Variants in PMF1 observed in about 807,000 individuals in gnomAD.
The protein encoded by PMF1 is polyamine modulated factor 1, also known as polyamine-modulated factor 1.
Under a neutral mutation model 26.7 loss-of-function variants are expected in PMF1, and 21 were observed. The ratio of observed to expected loss-of-function variants is 0.79; its 90% CI spans 0.56 to 1.13. The LOEUF is 1.13. PMF1 is among the 50% of genes most tolerant of loss of function. PMF1 has a pLI of 0.00. For synonymous variants in PMF1, 105 were observed against 101.0 expected, an observed-to-expected ratio of 1.04 and a Z score of -0.24; for missense variants, 266 against 254.9, an observed-to-expected ratio of 1.04 and a Z score of -0.30.
At chr1:156,231,723 C>G (rs1450891840) in intron 1 of PMF1, among the ~76,000 whole-genome samples, 1 of 152,024 alleles carries the variant, frequency 6.6e-6, no homozygotes, top group African/African-American at 2.4e-5. Context: ...GAAAGAAAAT[C>G]AGGCTCCAAC....
chr1:156,235,742 G>A (rs1658975852), intron 3 of PMF1, among the ~76,000 whole-genome samples: 1 of 152,316 alleles, frequency 6.6e-6, no homozygotes, highest in Non-Finnish European at 1.5e-5. Context: ...CACCTGGCCT[G>A]AAAAAGAATT....
At chr1:156,226,198 G>T (rs529971054) in intron 1 of PMF1, among the ~76,000 whole-genome samples, 13 of 152,226 alleles carry the variant, frequency 8.5e-5, no homozygotes, top group Non-Finnish European at 1.5e-4. Flanking sequence ...TGAAGACAGG[G>T]TCTCACTATG....
Position 156,239,690 on chromosome 1 carries a change from C to G in PMF1, c.*89C>G. ...GGCCTGGGCGGGCTACCTCTGAGAA[C>G]GGCTGAAATGGTGCCCAGTCCATCA... On this transcript the variant is annotated 3_prime_UTR_variant, in exon 5 of 5. Transcript: ENST00000368277. The G allele has an allele frequency of 9.5e-7, 1 of 1,056,794 alleles. No homozygotes were observed. Among genetic ancestry groups the G allele is most frequent in the South Asian group, 1.3e-5 (1 of 76,598 alleles). The allele number at this position is 1,056,794 out of a possible 1,614,324, so 65.5% of individuals were successfully genotyped here.
rs750988132 is a variant in PMF1 at position 156,213,172 on chromosome 1, G to A, written c.157G>A (p.Gly53Ser). ...TTTTCTTCAGAAGCTGGTCGCCGCCGGCAGGTAAAGTGGACGCAGCCGCGG... is the reference window on the plus strand; with the variant it reads ...TTTTCTTCAGAAGCTGGTCGCCGCCAGCAGGTAAAGTGGACGCAGCCGCGG... ...DTFLQKLVAA[G>S]SYQRFTDCYK... is the part of the protein sequence containing the mutation. The change falls in exon 1 of 5, where the codon GGC (glycine) becomes AGC (serine). Residue 53 changes from glycine to serine, a missense_variant. Physicochemically the swap from Gly to Ser is moderately conservative, Grantham distance 56. Transcript: ENST00000368277. 3 of 1,612,740 alleles carry A rather than the reference G, an allele frequency of 1.9e-6. No homozygotes were observed. The highest frequency in any genetic ancestry group is 4.5e-5 in the East Asian group (2 of 44,836).
At chr1:156,213,654 C>A (rs1439434686) in intron 1 of PMF1, among the ~76,000 whole-genome samples, 3 of 152,078 alleles carry the variant, frequency 2.0e-5, no homozygotes, top group Admixed American at 6.6e-5. Flanking sequence ...AAGTCGCGGC[C>A]CACCACTATG....
At chr1:156,217,652 G>C (rs1287480636) in intron 1 of PMF1, among the ~76,000 whole-genome samples, 1 of 151,900 alleles carries the variant, frequency 6.6e-6, no homozygotes, top group East Asian at 1.9e-4. Flanking sequence ...CTTGAACCCA[G>C]GAGGCGGGGA....
intron 3 of PMF1, among the ~76,000 whole-genome samples, chr1:156,235,073 C>T (rs1473068439): frequency 2.0e-4 from 31 of 152,064 alleles, no homozygotes; most frequent in Non-Finnish European, 1.5e-5. Context: ...TTTAAAAATG[C>T]TCTGTGACCT....
chr1:156,225,448 C>G, intron 1 of PMF1: 1 of 649,022 alleles, frequency 1.5e-6, no homozygotes, highest in Non-Finnish European at 2.9e-6. Flanking sequence ...TCCCTCACCC[C>G]CCTCCCACCC....
At chr1:156,217,727 CA>C (rs10659605) in intron 1 of PMF1, among the ~76,000 whole-genome samples, 13,366 of 83,258 alleles carry the variant, frequency 0.16, 703 homozygotes, top group African/African-American at 0.26. Context: ...GTCTCCAACT[CA>C]AAAAAAAAAA....
At chr1:156,216,977 G>C (rs1039691786) in intron 1 of PMF1, among the ~76,000 whole-genome samples, 1 of 151,828 alleles carries the variant, frequency 6.6e-6, no homozygotes, top group African/African-American at 2.4e-5. Flanking sequence ...GTAAACTATC[G>C]CAAGAACAAA....
intron 1 of PMF1, among the ~76,000 whole-genome samples, chr1:156,214,878 A>AT (rs1371440310): frequency 1.3e-4 from 20 of 149,068 alleles, no homozygotes; most frequent in East Asian, 2.0e-4. Context: ...TATTATTATT[A>AT]TTATTATTTT....
At position 156,213,037 on chromosome 1, in the gene PMF1, A is replaced by C. The variant is rs775216061; in HGVS notation, c.22A>C (p.Asn8His). The change falls in exon 1 of 5, where the codon AAT becomes CAT. Residue 8 changes from asparagine to histidine, a missense_variant. Asn to His is a moderately conservative substitution (Grantham distance 68, BLOSUM62 1). Coordinates refer to ENST00000368277, the MANE Select transcript of PMF1 (RefSeq NM_007221.4). ...CAACATGGCCGAAGCAAGTAGCGCC[A>C]ATCTAGGCAGCGGCTGTGAGGAAAA... MAEASSA[N>H]LGSGCEEKRH... 3 of 1,614,060 alleles carry C rather than the reference A, an allele frequency of 1.9e-6. No individual in the cohort carries two copies. Among genetic ancestry groups the C allele is most frequent in the African/African-American group, 1.3e-5 (1 of 74,922 alleles).
chr1:156,226,251 T>C (rs527340473), intron 1 of PMF1, among the ~76,000 whole-genome samples: 1 of 152,386 alleles, frequency 6.6e-6, no homozygotes, highest in South Asian at 2.1e-4. Context: ...GTGATCCTCC[T>C]GCGTTGGCCT....
chr1:156,238,864 A>C (rs895107658), intron 4 of PMF1, among the ~76,000 whole-genome samples: 8 of 134,166 alleles, frequency 6.0e-5, no homozygotes, highest in Non-Finnish European at 4.7e-5. Context: ...AGCAGGCGCG[A>C]AAGTGGTGGT....
chr1:156,218,194 C>G (rs1657885493), intron 1 of PMF1, among the ~76,000 whole-genome samples: 1 of 152,126 alleles, frequency 6.6e-6, no homozygotes, highest in Non-Finnish European at 1.5e-5. Flanking sequence ...TTTCCTCCAG[C>G]CTTTCATTTT....
At chr1:156,228,301 T>C (rs1558193778) in intron 1 of PMF1, among the ~76,000 whole-genome samples, 1 of 140,292 alleles carries the variant, frequency 7.1e-6, no homozygotes, top group Non-Finnish European at 1.5e-5. Flanking sequence ...TGTATCACTT[T>C]CCTGCTTCTC....
intron 1 of PMF1, among the ~76,000 whole-genome samples, chr1:156,228,294 A>ATCACTTTCC (rs1355882220): frequency 1.0e-4 from 6 of 59,220 alleles, no homozygotes; most frequent in Non-Finnish European, 1.6e-4. Flanking sequence ...TTTTTAGTGT[A>ATCACTTTCC]TCACTTTCCT....
At chr1:156,238,977 G>A (rs1032333670) in intron 4 of PMF1, among the ~76,000 whole-genome samples, 3 of 151,968 alleles carry the variant, frequency 2.0e-5, no homozygotes, top group Non-Finnish European at 4.4e-5. Context: ...CAGGCAAGGC[G>A]CTGCTCCACT....
chr1:156,225,414 C>T (rs2758600), intron 1 of PMF1: 170,097 of 548,084 alleles, frequency 0.31, 26,653 homozygotes, highest in Non-Finnish European at 0.34. Flanking sequence ...GCAGTGTACA[C>T]TATACCCAGT....
Sources: allele counts gnomAD v4.1 joint callset (sites outside exome capture counted in the v4.1 genomes callset), GRCh38; gene constraint gnomAD v4.1.1; transcripts MANE v1.5; gene names NCBI Gene and HGNC (gene_info 2026-07-23, HGNC 2026-07-21).